RFX7: variants seen among roughly 807,000 people sequenced by gnomAD.
RFX7 encodes DNA-binding protein RFX7.
A neutral mutation model predicts 111.8 loss-of-function variants in RFX7; 26 were observed. That is an observed-to-expected ratio of 0.23 (90% confidence interval 0.17 to 0.32). The LOEUF (loss-of-function observed/expected upper bound fraction) is 0.32, where lower values mean the gene tolerates loss of function less well. Among genes scored for constraint, RFX7 ranks in the 10% least tolerant of loss-of-function variants. The probability of loss-of-function intolerance (pLI) is 1.00; values close to 1 mark genes in which losing one functional copy is unlikely to be tolerated. For synonymous variants in RFX7, 624 were observed against 624.4 expected, an observed-to-expected ratio of 1.00 and a Z score of 0.01; for missense variants, 1,573 against 1,772.9, an observed-to-expected ratio of 0.89 and a Z score of 2.02.
intron 5 of RFX7, among the ~76,000 whole-genome samples, chr15:56,127,360 AT>A (rs1422838946): frequency 6.6e-6 from 1 of 151,510 alleles, no homozygotes; most frequent in Non-Finnish European, 1.5e-5. Context: ...ATATGCCTAC[AT>A]TAAAAAAGAA....
At chr15:56,216,366 A>G (rs1322382993) in intron 2 of RFX7, among the ~76,000 whole-genome samples, 1 of 152,230 alleles carries the variant, frequency 6.6e-6, no homozygotes, top group African/African-American at 2.4e-5. Flanking sequence ...AGTAATTTAA[A>G]GTATTCTTAG....
At position 56,094,783 on chromosome 15, in the gene RFX7, G is replaced by T; in HGVS notation, c.2945C>A (p.Ser982Tyr). 1 of 1,608,154 alleles carries T rather than the reference G, an allele frequency of 6.2e-7. No individual in the cohort carries two copies. ...SQSLSRESPC[S>Y]RLAQTTPVDS... ...CACAGGTGTAGTCTGGGCTAGCCTGGAGCAAGGGCTCTCCCGTGACAGACT... is the reference window on the plus strand; with the variant it reads ...CACAGGTGTAGTCTGGGCTAGCCTGTAGCAAGGGCTCTCCCGTGACAGACT... Residue 982 changes from serine to tyrosine, a missense_variant, in exon 10 of 10, where the codon TCC (serine) becomes TAC (tyrosine). Transcript: ENST00000559447.
intron 2 of RFX7, among the ~76,000 whole-genome samples, chr15:56,216,289 G>A (rs2043362266): frequency 6.6e-6 from 1 of 151,954 alleles, no homozygotes. Context: ...TTTCTTTGTG[G>A]GCAATTTTTA....
chr15:56,101,211 C>T, intron 8 of RFX7, 148 bp downstream of exon 8: 2 of 638,666 alleles, frequency 3.1e-6, no homozygotes, highest in Non-Finnish European at 2.7e-6. Flanking sequence ...TCAACAGACC[C>T]ATCTGAATTT....
At chr15:56,213,940 G>C (rs1350173653) in intron 2 of RFX7, among the ~76,000 whole-genome samples, 1 of 152,056 alleles carries the variant, frequency 6.6e-6, no homozygotes, top group Non-Finnish European at 1.5e-5. Context: ...TGGATCAAGG[G>C]GTAAACTTGG....
intron 2 of RFX7, among the ~76,000 whole-genome samples, chr15:56,192,090 A>G (rs2584689): frequency 0.6 from 90,433 of 151,928 alleles, 27,509 homozygotes; most frequent in East Asian, 0.85. Context: ...TTTGTTCCAA[A>G]GCACCAACAG....
chr15:56,107,157 C>T (rs541871594), intron 5 of RFX7, among the ~76,000 whole-genome samples: 5 of 151,810 alleles, frequency 3.3e-5, no homozygotes, highest in East Asian at 1.9e-4. Context: ...ATTAGCTGGG[C>T]GTGGTGGCAG....
chr15:56,106,190 C>T (rs1039644026), intron 5 of RFX7, among the ~76,000 whole-genome samples: 1 of 152,158 alleles, frequency 6.6e-6, no homozygotes, highest in African/African-American at 2.4e-5. Context: ...TGACCAATGC[C>T]AAATTTGTTT....
intron 2 of RFX7, among the ~76,000 whole-genome samples, chr15:56,231,256 T>C (rs1186395469): frequency 1.3e-5 from 2 of 152,214 alleles, no homozygotes; most frequent in South Asian, 2.1e-4. Flanking sequence ...TACTGAATTA[T>C]GGTCTTGGCA....
chr15:56,203,333 C>T (rs2043213708), intron 2 of RFX7, among the ~76,000 whole-genome samples: 2 of 152,004 alleles, frequency 1.3e-5, no homozygotes, highest in Admixed American at 6.6e-5. Context: ...GAGAAAGTGG[C>T]TAATGTTCAG....
At position 56,096,013 on chromosome 15, in the gene RFX7, T is replaced by C. The variant is rs761535035; in HGVS notation, c.1715A>G (p.Lys572Arg). The change falls in exon 10 of 10, where the codon AAA becomes AGA. Residue 572 changes from lysine (K) to arginine (R), a missense_variant. Transcript: ENST00000559447. ...PQTPSALLGQKSNTDGALQKP... is the reference protein window; with the variant it reads ...PQTPSALLGQRSNTDGALQKP... Reference sequence around the variant, plus strand: ...CTGCAGTGCTCCGTCTGTATTACTTTTCTGCCCCAAAAGGGCACTAGGTGT... The same window carrying C: ...CTGCAGTGCTCCGTCTGTATTACTTCTCTGCCCCAAAAGGGCACTAGGTGT... 5 of 1,613,026 alleles carry C rather than the reference T, an allele frequency of 3.1e-6. No individual in the cohort carries two copies. The highest frequency in any genetic ancestry group is 2.2e-5 in the South Asian group (2 of 90,940).
intron 5 of RFX7, among the ~76,000 whole-genome samples, chr15:56,116,974 G>T (rs59025920): frequency 0.13 from 19,774 of 152,110 alleles, 1,664 homozygotes; most frequent in East Asian, 0.44. Flanking sequence ...GCTAGCCTGT[G>T]GCATTAGAAG....
chr15:56,178,814 T>G (rs2042931792), intron 3 of RFX7, among the ~76,000 whole-genome samples: 1 of 152,144 alleles, frequency 6.6e-6, no homozygotes, highest in Non-Finnish European at 1.5e-5. Flanking sequence ...TGAAAACAAA[T>G]TTTTACAATT....
chr15:56,099,076 G>A (rs1408572244), intron 8 of RFX7, among the ~76,000 whole-genome samples: 1 of 151,844 alleles, frequency 6.6e-6, no homozygotes, highest in Non-Finnish European at 1.5e-5. Flanking sequence ...GACAAAATAA[G>A]CAAAATATAA....
At chr15:56,177,868 G>T (rs2042919215) in intron 3 of RFX7, among the ~76,000 whole-genome samples, 1 of 151,944 alleles carries the variant, frequency 6.6e-6, no homozygotes, top group South Asian at 2.1e-4. Context: ...ATGCTCTGGG[G>T]GTTGGTGGCA....
intron 5 of RFX7, among the ~76,000 whole-genome samples, chr15:56,134,618 CTTT>C (rs55844559): frequency 1.7e-4 from 21 of 126,322 alleles, no homozygotes; most frequent in Admixed American, 8.0e-4. Flanking sequence ...TTTTTACTTT[CTTT>C]TTTTTTTTTT....
intron 2 of RFX7, among the ~76,000 whole-genome samples, chr15:56,182,121 T>C (rs1002012854): frequency 2.6e-5 from 4 of 152,150 alleles, no homozygotes; most frequent in Non-Finnish European, 5.9e-5. Context: ...GTGAGTTATA[T>C]AATTATTTCA....
rs2041961995 is a variant in RFX7, at chr15:56,113,179, T to C, written c.402-9509A>G. Among the ~76,000 whole-genome samples, 3 of 152,266 alleles carry C rather than the reference T, an allele frequency of 2.0e-5. No individual in the cohort carries two copies. The South Asian group carries it at 6.2e-4, about 32-fold the overall frequency. On this transcript the variant is annotated intron_variant, in intron 5 of 9. Transcript: ENST00000559447. The stretch of plus-strand genomic sequence containing the variant: ...ATATACCCAAAGGAATATAAATCAT[T>C]CTATTATAAAGACACATGCAAATGT...
intron 3 of RFX7, among the ~76,000 whole-genome samples, chr15:56,154,611 A>C (rs113357980): frequency 6.6e-6 from 1 of 152,174 alleles, no homozygotes; most frequent in African/African-American, 2.4e-5. Context: ...CCTTCCTTAC[A>C]CCTTTTACAA....
Sources: allele counts gnomAD v4.1 joint callset (sites outside exome capture counted in the v4.1 genomes callset), GRCh38; gene constraint gnomAD v4.1.1; transcripts MANE v1.5; gene names NCBI Gene and HGNC (gene_info 2026-07-23, HGNC 2026-07-21).